Variants in IL1R1 observed in about 807,000 individuals in gnomAD.
The protein encoded by IL1R1 is interleukin 1 receptor type 1, also known as interleukin-1 receptor type 1.
Under a neutral mutation model 50.2 loss-of-function variants are expected in IL1R1, and 22 were observed. The observed-to-expected ratio is 0.44, with a 90% CI of 0.31 to 0.63. IL1R1 has a LOEUF of 0.63. Ranked by LOEUF, IL1R1 falls within the 20% of genes least tolerant of loss-of-function variation. The pLI, the probability that IL1R1 is intolerant of heterozygous loss-of-function variation, is 0.07. For missense variants in IL1R1, 509 were observed against 676.2 expected (o/e 0.75, Z 2.74); for synonymous variants, 251 against 236.7 (o/e 1.06, Z -0.55).
chr2:102,107,675 T>A (rs1577859320), intron 1 of IL1R1, among the ~76,000 whole-genome samples: 1 of 152,222 alleles, frequency 6.6e-6, no homozygotes, highest in Non-Finnish European at 1.5e-5. Context: ...ACTCTGATAA[T>A]AGGCAAAGGT....
Position 102,160,253 on chromosome 2 carries a change from A to G in IL1R1, c.61+2468A>G, listed in dbSNP as rs531921017. On this transcript the variant is annotated intron_variant, in intron 3 of 11. Transcript: ENST00000410023. ...ACCCTTTACAAATTATTTAAAAAAG[A>G]GATGTCATCTCTTTTTTTTCCTGAT... Among the ~76,000 whole-genome samples the G allele has an allele frequency of 7.2e-5, 11 of 152,208 alleles. 2 individuals carry two copies. Among genetic ancestry groups the G allele is most frequent in the African/African-American group, 2.6e-4 (11 of 41,536 alleles).
chr2:102,172,282 T>C, intron 8 of IL1R1: 1 of 985,342 alleles, frequency 1.0e-6, no homozygotes, highest in South Asian at 4.7e-5. Context: ...CGAAAGCCTC[T>C]ACTGGTTTCC....
chr2:102,176,881 G>A lies in IL1R1; in HGVS notation c.*122G>A, dbSNP rs1435214886. On this transcript the variant is annotated 3_prime_UTR_variant, in exon 12 of 12. Coordinates refer to ENST00000410023, the MANE Select transcript of IL1R1 (RefSeq NM_000877.4). ...TAACTATATCATCCTTTATCCCTGA[G>A]GTCACCTGGAATCAGATTATTAAGG... The A allele has an allele frequency of 3.2e-6, 3 of 941,264 alleles. No individual in the cohort carries two copies. Among genetic ancestry groups the A allele is most frequent in the Non-Finnish European group, 4.9e-6 (3 of 615,616 alleles). 58.3% of individuals were successfully genotyped at this position (941,264 alleles called of 1,614,324 possible).
chr2:102,118,944 G>T (rs1177762705), intron 1 of IL1R1, among the ~76,000 whole-genome samples: 1 of 148,308 alleles, frequency 6.7e-6, no homozygotes, highest in Non-Finnish European at 1.5e-5. Flanking sequence ...TATGAACCTG[G>T]GAAGCAGAGC....
chr2:102,150,254 A>G (rs1237872269), intron 1 of IL1R1, among the ~76,000 whole-genome samples: 1 of 152,174 alleles, frequency 6.6e-6, no homozygotes, highest in Non-Finnish European at 1.5e-5. Flanking sequence ...TTCCTGTGAC[A>G]GCCCCTCTCT....
intron 1 of IL1R1, among the ~76,000 whole-genome samples, chr2:102,090,476 A>G (rs1358940194): frequency 6.6e-6 from 1 of 151,966 alleles, no homozygotes; most frequent in Admixed American, 6.5e-5. Context: ...TATCATGCAT[A>G]TCTCTTACGC....
chr2:102,072,885 G>A (rs1304115282), intron 1 of IL1R1, among the ~76,000 whole-genome samples: 1 of 152,074 alleles, frequency 6.6e-6, no homozygotes, highest in African/African-American at 2.4e-5. Flanking sequence ...TCCTGTCTTG[G>A]GAAGATGTGT....
chr2:102,102,249 C>T (rs574852426), upstream of IL1R1, among the ~76,000 whole-genome samples: 1 of 152,142 alleles, frequency 6.6e-6, no homozygotes, highest in Non-Finnish European at 1.5e-5. Context: ...TTGCACTGTT[C>T]CTGAGTAGAT....
chr2:102,164,905 C>G lies in IL1R1; in HGVS notation c.193C>G (p.Pro65Ala), dbSNP rs1378836045. Residue 65 changes from proline to alanine, a missense_variant, in exon 4 of 12, where the codon CCT becomes GCT. Transcript: ENST00000410023. Reference sequence around the variant, plus strand: ...TTGGTATAAAGATGACAGCAAGACACCTGTATCTACAGAACAAGCCTCCAG... The same window carrying G: ...TTGGTATAAAGATGACAGCAAGACAGCTGTATCTACAGAACAAGCCTCCAG... Reference protein sequence around the residue: ...ITWYKDDSKTPVSTEQASRIH... With the variant: ...ITWYKDDSKTAVSTEQASRIH... 1 of 1,613,964 alleles carries G rather than the reference C, an allele frequency of 6.2e-7. No homozygotes were observed. Among genetic ancestry groups the G allele is most frequent in the African/African-American group, 1.3e-5 (1 of 74,918 alleles).
intron 1 of IL1R1, among the ~76,000 whole-genome samples, chr2:102,125,850 A>G (rs985235325): frequency 1.3e-5 from 2 of 152,210 alleles, no homozygotes; most frequent in African/African-American, 4.8e-5. Flanking sequence ...GGGATGCAAT[A>G]AGACACGGAA....
At chr2:102,083,986 T>C (rs1371117714) in intron 1 of IL1R1, among the ~76,000 whole-genome samples, 1 of 152,104 alleles carries the variant, frequency 6.6e-6, no homozygotes, top group Non-Finnish European at 1.5e-5. Flanking sequence ...TTTAGCTAAA[T>C]ATTAATTTTG....
At chr2:102,125,774 G>A (rs568010283) in intron 1 of IL1R1, among the ~76,000 whole-genome samples, 2 of 152,300 alleles carry the variant, frequency 1.3e-5, no homozygotes, top group South Asian at 4.1e-4. Flanking sequence ...TGAGGAATGC[G>A]AAGAGGGTCT....
At chr2:102,095,930 G>A (rs1459653478) in intron 1 of IL1R1, among the ~76,000 whole-genome samples, 2 of 152,114 alleles carry the variant, frequency 1.3e-5, no homozygotes, top group South Asian at 2.1e-4. Context: ...TTGAACCCGG[G>A]AGGCGGAGCT....
chr2:102,164,705 G>A (rs986186124), intron 3 of IL1R1, 69 bp from the exon 4 acceptor site: 15 of 953,210 alleles, frequency 1.6e-5, no homozygotes, highest in East Asian at 5.0e-5. Context: ...GTGTTTCTTC[G>A]TAGATATTAA....
At chr2:102,077,416 C>T (rs114832415) in intron 1 of IL1R1, among the ~76,000 whole-genome samples, 2,459 of 152,292 alleles carry the variant, frequency 0.016, 45 homozygotes, top group Admixed American at 0.052. Context: ...TGCCATAATA[C>T]AATCTAATGT....
At chr2:102,109,516 G>A (rs1553625815) in intron 1 of IL1R1, among the ~76,000 whole-genome samples, 1 of 152,154 alleles carries the variant, frequency 6.6e-6, no homozygotes, top group Admixed American at 6.5e-5. Context: ...GGACAACTGA[G>A]TGCTGATGTA....
chr2:102,139,742 C>T (rs1188667900), upstream of IL1R1, among the ~76,000 whole-genome samples: 1 of 152,226 alleles, frequency 6.6e-6, no homozygotes, highest in Non-Finnish European at 1.5e-5. Context: ...CGTGACGTAC[C>T]TGCACCTCCT....
intron 1 of IL1R1, among the ~76,000 whole-genome samples, chr2:102,127,883 C>A (rs1259854693): frequency 6.6e-6 from 1 of 152,118 alleles, no homozygotes; most frequent in Non-Finnish European, 1.5e-5. Flanking sequence ...AGAAACAAAA[C>A]CACTTTCACA....
intron 1 of IL1R1, among the ~76,000 whole-genome samples, chr2:102,088,336 A>G (rs1679514562): frequency 6.6e-6 from 1 of 152,236 alleles, no homozygotes. Context: ...GGCATGAAAA[A>G]ACATTAATCT....
Sources: gnomAD v4.1 joint callset for allele counts (sites outside exome capture counted in the v4.1 genomes callset) on GRCh38, gnomAD v4.1.1 for gene constraint, MANE v1.5 for transcripts, NCBI Gene and HGNC (gene_info 2026-07-23, HGNC 2026-07-21) for gene names.